The following SLIT2 variants were observed in gnomAD, a reference collection of about 807,000 sequenced individuals.
The protein encoded by SLIT2 is slit homolog 2 protein.
A neutral mutation model predicts 185.7 loss-of-function variants in SLIT2; 41 were observed. The observed-to-expected ratio is 0.22, with a 90% CI of 0.17 to 0.29. The LOEUF (loss-of-function observed/expected upper bound fraction) is 0.29, where lower values mean the gene tolerates loss of function less well. Among genes scored for constraint, SLIT2 ranks in the 10% least tolerant of loss-of-function variants. The pLI, the probability that SLIT2 is intolerant of heterozygous loss-of-function variation, is 1.00. For missense variants in SLIT2, 1,571 were observed against 1,909.0 expected, an observed-to-expected ratio of 0.82 and a Z score of 3.30; for synonymous variants, 693 against 680.2, an observed-to-expected ratio of 1.02 and a Z score of -0.29.
chr4:20,268,530 C>T (rs1436907592), intron 3 of SLIT2, among the ~76,000 whole-genome samples: 1 of 151,760 alleles, frequency 6.6e-6, no homozygotes, highest in Non-Finnish European at 1.5e-5. Context: ...CACAAAAATC[C>T]TTTATCATTG....
intron 4 of SLIT2, among the ~76,000 whole-genome samples, chr4:20,324,219 C>T (rs887473439): frequency 9.9e-5 from 15 of 152,148 alleles, no homozygotes; most frequent in African/African-American, 3.4e-4. Context: ...CTGGGCATGA[C>T]ACAACCAGCT....
At chr4:20,599,858 T>G (rs1728277245) in intron 33 of SLIT2, among the ~76,000 whole-genome samples, 1 of 152,198 alleles carries the variant, frequency 6.6e-6, no homozygotes, top group Non-Finnish European at 1.5e-5. Context: ...TTCTCATATG[T>G]ATCAATGTGC....
rs1293117558 is a variant in SLIT2 at position 20,253,905 on chromosome 4, G to A, written c.90G>A (p.Ala30=). 1.2e-6 allele frequency: 2 copies of A among 1,601,944 alleles called. No homozygotes were observed. Among genetic ancestry groups the A allele is most frequent in the South Asian group, 1.1e-5 (1 of 91,074 alleles). Residue 30 remains alanine, a synonymous_variant, in exon 1 of 37, where the codon GCG becomes GCA. Transcript: ENST00000504154. Reference sequence around the variant, plus strand: ...AGGTGGCACCGCAGGCGTGCCCGGCGCAGTGCTCTTGCTCGGGCAGCACAG... The same window carrying A: ...AGGTGGCACCGCAGGCGTGCCCGGCACAGTGCTCTTGCTCGGGCAGCACAG... ...LNKVAPQACP[A]QCSCSGSTVD...
intron 29 of SLIT2, among the ~76,000 whole-genome samples, chr4:20,572,223 A>G (rs1371767479): frequency 2.0e-5 from 3 of 152,112 alleles, no homozygotes; most frequent in Non-Finnish European, 4.4e-5. Context: ...CACCAAAACC[A>G]TTCTCCATAT....
chr4:20,541,415 C>G, intron 19 of SLIT2, 38 bp from the exon 20 acceptor site: 12 of 1,595,138 alleles, frequency 7.5e-6, no homozygotes, highest in Non-Finnish European at 1.0e-5. Flanking sequence ...AGATGAAACC[C>G]CAGGCTAAAC....
intron 5 of SLIT2, 110 bp downstream of exon 5, chr4:20,467,933 T>C (rs1201712659): frequency 1.2e-5 from 7 of 565,650 alleles, no homozygotes; most frequent in Non-Finnish European, 2.2e-5. Context: ...CTGTGTATAT[T>C]TATGCTTGCG....
chr4:20,408,377 G>T (rs1306096424), intron 4 of SLIT2, among the ~76,000 whole-genome samples: 1 of 152,072 alleles, frequency 6.6e-6, no homozygotes, highest in East Asian at 1.9e-4. Context: ...CTCAGACCTT[G>T]ACCTTCCATT....
At chr4:20,559,997 A>T (rs1043245560) in intron 26 of SLIT2, among the ~76,000 whole-genome samples, 1 of 151,950 alleles carries the variant, frequency 6.6e-6, no homozygotes, top group African/African-American at 2.4e-5. Context: ...AAAATAATTC[A>T]TTCAAGGAAA....
chr4:20,419,270 T>TACACATATA (rs1727965131), intron 4 of SLIT2, among the ~76,000 whole-genome samples: 1 of 152,198 alleles, frequency 6.6e-6, no homozygotes, highest in Non-Finnish European at 1.5e-5. Flanking sequence ...TGATTTCATA[T>TACACATATA]CTTATAATTT....
At chr4:20,583,533 C>T (rs187297337) in intron 29 of SLIT2, among the ~76,000 whole-genome samples, 78 of 152,136 alleles carry the variant, frequency 5.1e-4, no homozygotes, top group Middle Eastern at 3.4e-3. Context: ...AGGTTCAGGC[C>T]GGGCACAGTG....
intron 4 of SLIT2, among the ~76,000 whole-genome samples, chr4:20,465,947 C>T (rs1216325737): frequency 7.2e-6 from 1 of 139,042 alleles, no homozygotes; most frequent in African/African-American, 2.6e-5. Flanking sequence ...TTTTATTCAT[C>T]TACACACTCT....
chr4:20,487,579 C>A (rs146873371), intron 7 of SLIT2, among the ~76,000 whole-genome samples: 2 of 151,980 alleles, frequency 1.3e-5, no homozygotes, highest in Admixed American at 6.6e-5. Flanking sequence ...TTGGTTTAGA[C>A]GGAAATATTT....
At chr4:20,589,432 C>T (rs1482905075) in intron 29 of SLIT2, among the ~76,000 whole-genome samples, 1 of 152,166 alleles carries the variant, frequency 6.6e-6, no homozygotes, top group African/African-American at 2.4e-5. Context: ...GTCCTGTTGT[C>T]CAAAATCACA....
At chr4:20,350,802 G>A (rs547199470) in intron 4 of SLIT2, among the ~76,000 whole-genome samples, 1 of 151,824 alleles carries the variant, frequency 6.6e-6, no homozygotes, top group South Asian at 2.1e-4. Context: ...GACCAGCTTG[G>A]GCAAGAAGTA....
chr4:20,322,420 A>G (rs1382757246), intron 4 of SLIT2, among the ~76,000 whole-genome samples: 1 of 152,176 alleles, frequency 6.6e-6, no homozygotes, highest in Non-Finnish European at 1.5e-5. Flanking sequence ...CATCAAGGTC[A>G]TAGGTAGATA....
intron 26 of SLIT2, among the ~76,000 whole-genome samples, chr4:20,565,404 C>G (rs1334733618): frequency 6.6e-6 from 1 of 151,998 alleles, no homozygotes; most frequent in Non-Finnish European, 1.5e-5. Flanking sequence ...TTTCTTTCCT[C>G]TTGCTGACTC....
At chr4:20,357,683 C>G (rs926041647) in intron 4 of SLIT2, among the ~76,000 whole-genome samples, 2 of 152,010 alleles carry the variant, frequency 1.3e-5, no homozygotes, top group African/African-American at 4.8e-5. Context: ...AGACAAAATC[C>G]GTGATGTTTG....
chr4:20,429,725 A>T (rs1344913006), intron 4 of SLIT2, among the ~76,000 whole-genome samples: 1 of 152,196 alleles, frequency 6.6e-6, no homozygotes, highest in African/African-American at 2.4e-5. Flanking sequence ...AATCAACTGC[A>T]TTTGAGAGAG....
At chr4:20,477,148 C>T in intron 5 of SLIT2, among the ~76,000 whole-genome samples, 1 of 82,822 alleles carries the variant, frequency 1.2e-5, no homozygotes, top group Non-Finnish European at 2.4e-5. Flanking sequence ...AGATATACCT[C>T]CTACCATAAA....
Sources: allele counts gnomAD v4.1 joint callset (sites outside exome capture counted in the v4.1 genomes callset), GRCh38; gene constraint gnomAD v4.1.1; transcripts MANE v1.5; gene names NCBI Gene and HGNC (gene_info 2026-07-23, HGNC 2026-07-21).